The following MPDZ variants were observed in gnomAD, a reference collection of about 807,000 sequenced individuals.
MPDZ encodes the protein multiple PDZ domain crumbs cell polarity complex component.
In MPDZ, 234 loss-of-function variants were observed where a neutral mutation model predicts 239.1. That is an observed-to-expected ratio of 0.98 (90% CI 0.88 to 1.09). MPDZ has a LOEUF of 1.09. MPDZ is among the 50% of genes least tolerant of loss of function. MPDZ has a pLI of 0.00. For synonymous variants in MPDZ, 1,048 were observed against 881.3 expected, an observed-to-expected ratio of 1.19 and a Z score of -3.35; for missense variants, 3,175 against 2,510.0, an observed-to-expected ratio of 1.26 and a Z score of -5.66.
intron 32 of MPDZ, 33 bp from the exon 33 acceptor site, chr9:13,126,805 C>T: frequency 6.4e-7 from 1 of 1,556,932 alleles, no homozygotes. Flanking sequence ...GCTCAGAAGA[C>T]TTGAAACAGA....
Position 13,175,758 on chromosome 9 carries a change from T to C in MPDZ, c.3049A>G (p.Ser1017Gly). 3 of 1,569,352 alleles carry C rather than the reference T, an allele frequency of 1.9e-6. No individual in the cohort carries two copies. Among genetic ancestry groups the C allele is most frequent in the Non-Finnish European group, 2.6e-6 (3 of 1,155,184 alleles). Residue 1017 changes from serine to glycine, a missense_variant, in exon 21 of 47, where the codon AGC (serine) becomes GGC (glycine). Coordinates refer to ENST00000319217, the MANE Select transcript of MPDZ (RefSeq NM_001378778.1). ...AGGAAAATGAGAAACTTACCTAGGC[T>C]AGAATTGCCTTTTGCTATATTAATA... ...RTINIAKGNS[S>G]LGMTVSANKD...
chr9:13,210,466 C>G (rs1261096110), intron 10 of MPDZ, among the ~76,000 whole-genome samples: 1 of 151,374 alleles, frequency 6.6e-6, no homozygotes, highest in African/African-American at 2.4e-5. Flanking sequence ...ATACCCTACC[C>G]ACCCAGGTAT....
chr9:13,194,847 C>T (rs1172750182), intron 13 of MPDZ, among the ~76,000 whole-genome samples: 1 of 152,112 alleles, frequency 6.6e-6, no homozygotes, highest in Non-Finnish European at 1.5e-5. Context: ...AACCCTATCC[C>T]TCCATGAAAA....
At chr9:13,141,127 T>C (rs1413928224) in intron 27 of MPDZ, among the ~76,000 whole-genome samples, 1 of 151,560 alleles carries the variant, frequency 6.6e-6, no homozygotes, top group Non-Finnish European at 1.5e-5. Flanking sequence ...CTTGGCATCA[T>C]CAAGTTCTTA....
At chr9:13,146,499 G>T in intron 26 of MPDZ, among the ~76,000 whole-genome samples, 1 of 151,980 alleles carries the variant, frequency 6.6e-6, no homozygotes, top group South Asian at 2.1e-4. Flanking sequence ...AGTTTTAGAC[G>T]ATGCGTTCAA....
intron 12 of MPDZ, among the ~76,000 whole-genome samples, chr9:13,197,398 TAC>T (rs1330062558): frequency 6.6e-6 from 1 of 152,086 alleles, no homozygotes; most frequent in African/African-American, 2.4e-5. Flanking sequence ...TAGCTGGGAT[TAC>T]ACCAATAAGC....
At chr9:13,171,620 T>A (rs1264226365) in intron 21 of MPDZ, among the ~76,000 whole-genome samples, 1 of 152,158 alleles carries the variant, frequency 6.6e-6, no homozygotes, top group African/African-American at 2.4e-5. Flanking sequence ...GCATCAAGAT[T>A]AGAATTTTTC....
In MPDZ at chr9:13,178,116, G is replaced by T. The variant is rs180998657; in HGVS notation, c.2650-1699C>A. On this transcript the variant is annotated intron_variant, in intron 19 of 46. Transcript: ENST00000319217. Reference sequence around the variant, plus strand: ...ACTAAAAATACAAAAAAAATTAGCCGGGCGTGGTGGCTGGTGCCTGAAGTC... The same window carrying T: ...ACTAAAAATACAAAAAAAATTAGCCTGGCGTGGTGGCTGGTGCCTGAAGTC... Among the ~76,000 whole-genome samples, 13 of 152,064 alleles carry T rather than the reference G, an allele frequency of 8.5e-5. No individual in the cohort carries two copies. In the East Asian group the frequency reaches 2.5e-3, roughly 30 times the overall value.
intron 3 of MPDZ, among the ~76,000 whole-genome samples, chr9:13,245,718 T>C (rs1440962262): frequency 2.0e-5 from 3 of 152,122 alleles, no homozygotes; most frequent in Non-Finnish European, 2.9e-5. Flanking sequence ...AATGCTGTAG[T>C]TGGTCTCGGT....
chr9:13,120,698 A>T (rs536451278), intron 38 of MPDZ: 2 of 152,358 alleles, frequency 1.3e-5, no homozygotes, highest in East Asian at 3.9e-4. Flanking sequence ...TCCATACAGA[A>T]AAGTCGCTGC....
intron 22 of MPDZ, among the ~76,000 whole-genome samples, chr9:13,167,905 C>T (rs544628886): frequency 4.6e-5 from 7 of 152,164 alleles, no homozygotes; most frequent in South Asian, 2.1e-4. Context: ...GCTCAAGAAA[C>T]GGTAAGTTTT....
chr9:13,174,365 T>A (rs1952184448), intron 21 of MPDZ, among the ~76,000 whole-genome samples: 1 of 152,178 alleles, frequency 6.6e-6, no homozygotes, highest in East Asian at 1.9e-4. Flanking sequence ...AATAAATGTT[T>A]GCTAGTTGAG....
chr9:13,192,831 C>CT (rs1955119862), intron 14 of MPDZ, among the ~76,000 whole-genome samples: 1 of 152,040 alleles, frequency 6.6e-6, no homozygotes, highest in African/African-American at 2.4e-5. Flanking sequence ...GAAGGAGACC[C>CT]TTTTCCATTC....
intron 3 of MPDZ, among the ~76,000 whole-genome samples, chr9:13,235,167 G>A (rs1429184632): frequency 6.6e-6 from 1 of 152,082 alleles, no homozygotes; most frequent in South Asian, 2.1e-4. Flanking sequence ...CTGATTTAAT[G>A]ACCCTTATTT....
At position 13,108,950 on chromosome 9, in the gene MPDZ, T is replaced by C. The variant is rs892349144; in HGVS notation, c.6052A>G (p.Thr2018Ala). The C allele has an allele frequency of 6.8e-6, 11 of 1,610,876 alleles. No individual in the cohort carries two copies. Among genetic ancestry groups the C allele is most frequent in the South Asian group, 1.1e-5 (1 of 90,638 alleles). Residue 2018 changes from threonine to alanine, a missense_variant, in exon 46 of 47, where the codon ACA becomes GCA. Transcript: ENST00000319217. Reference sequence around the variant, plus strand: ...TGCAAGCTTACCTTTGCAAACACTGTTTTAACATAAATGGGTAAGTCTCCA... The same window carrying C: ...TGCAAGCTTACCTTTGCAAACACTGCTTTAACATAAATGGGTAAGTCTCCA... The part of the protein sequence containing the change: ...PHGDLPIYVK[T>A]VFAKGAASED...
At chr9:13,117,576 T>C (rs1943672748) in intron 39 of MPDZ, among the ~76,000 whole-genome samples, 1 of 151,470 alleles carries the variant, frequency 6.6e-6, no homozygotes, top group Non-Finnish European at 1.5e-5. Context: ...AACAAATACA[T>C]GTTTGCCATG....
chr9:13,226,841 T>C (rs916144306), intron 3 of MPDZ, among the ~76,000 whole-genome samples: 7 of 152,080 alleles, frequency 4.6e-5, no homozygotes, highest in South Asian at 2.1e-4. Flanking sequence ...TCAACATACA[T>C]TGGCAGAAAA....
chr9:13,169,807 T>A (rs1951554986), intron 21 of MPDZ, among the ~76,000 whole-genome samples: 1 of 152,196 alleles, frequency 6.6e-6, no homozygotes, highest in Admixed American at 6.6e-5. Flanking sequence ...TTGTGTTATG[T>A]CCTTCTTGGT....
chr9:13,234,026 T>TC (rs1963275527), intron 3 of MPDZ, among the ~76,000 whole-genome samples: 3 of 7,668 alleles, frequency 3.9e-4, no homozygotes, highest in Non-Finnish European at 8.6e-3. Context: ...TAGATTTGTC[T>TC]TCCCAAATAT....
Sources: allele counts gnomAD v4.1 joint callset (sites outside exome capture counted in the v4.1 genomes callset), GRCh38; gene constraint gnomAD v4.1.1; transcripts MANE v1.5; gene names NCBI Gene and HGNC (gene_info 2026-07-23, HGNC 2026-07-21).